Variants in NUFIP2 observed in about 807,000 individuals in gnomAD.
NUFIP2 encodes the protein FMR1-interacting protein NUFIP2.
In NUFIP2, 6 loss-of-function variants were observed where a neutral mutation model predicts 56.9. The observed-to-expected ratio is 0.11, with a 90% CI of 0.06 to 0.21. The LOEUF (loss-of-function observed/expected upper bound fraction) is 0.21. Ranked by LOEUF, NUFIP2 falls within the 10% of genes least tolerant of loss-of-function variation. The pLI is 1.00. For synonymous variants in NUFIP2, 321 were observed against 298.2 expected (o/e 1.08, Z -0.79); for missense variants, 828 against 826.8 (o/e 1.00, Z -0.02).
At position 29,286,873 on chromosome 17, in the gene NUFIP2, G is replaced by C. The variant is rs768832522; in HGVS notation, c.1121C>G (p.Ser374Cys). The change falls in exon 2 of 4, where the codon TCT becomes TGT. Residue 374 changes from serine (S) to cysteine (C), a missense_variant. Ser to Cys is a moderately radical substitution (Grantham distance 112). Coordinates refer to ENST00000225388, the MANE Select transcript of NUFIP2 (RefSeq NM_020772.3). ...TGATGAAGATGAAGTTGGTGACACA[G>C]AAGAGTTCTGTATAGTTTTGTTGAG... The part of the protein sequence containing the change: ...ENLNKTIQNS[S>C]VSPTSSSSSS... 3 of 1,614,216 alleles carry C rather than the reference G, an allele frequency of 1.9e-6. No individual in the cohort carries two copies. The South Asian group carries it at 3.3e-5, about 18-fold the overall frequency.
intron 2 of NUFIP2, among the ~76,000 whole-genome samples, chr17:29,281,178 G>A (rs530971423): frequency 2.6e-5 from 4 of 150,986 alleles, no homozygotes; most frequent in African/African-American, 7.3e-5. Flanking sequence ...CTGGGCAGCC[G>A]GGCACGGTGG....
At chr17:29,277,267 T>C (rs978610011) in intron 2 of NUFIP2, among the ~76,000 whole-genome samples, 1 of 152,190 alleles carries the variant, frequency 6.6e-6, no homozygotes, top group African/African-American at 2.4e-5. Context: ...TCAGGGGATC[T>C]GCCCACCTCA....
rs2068979611 is a variant in NUFIP2 at position 29,257,861 on chromosome 17, G to A, written c.*6678C>T. ...TTTTACTATTTCCCACTACAGGACAGCCACTAACAGACTAAGAACAAAAAA... is the reference window on the plus strand; with the variant it reads ...TTTTACTATTTCCCACTACAGGACAACCACTAACAGACTAAGAACAAAAAA... On this transcript the variant is annotated 3_prime_UTR_variant, in exon 4 of 4. Transcript: ENST00000225388. 1 of 152,124 alleles carries A rather than the reference G, an allele frequency of 6.6e-6. No homozygotes were observed. 9.4% of individuals were successfully genotyped at this position (152,124 alleles called of 1,614,324 possible).
intron 1 of NUFIP2, among the ~76,000 whole-genome samples, chr17:29,293,083 G>A (rs1188542600): frequency 6.6e-6 from 1 of 151,660 alleles, no homozygotes; most frequent in African/African-American, 2.4e-5. Flanking sequence ...GGCCCCGCGA[G>A]GAGGAGAGAA....
intron 2 of NUFIP2, among the ~76,000 whole-genome samples, chr17:29,272,371 G>A (rs569814475): frequency 6.6e-6 from 1 of 151,678 alleles, no homozygotes; most frequent in African/African-American, 2.4e-5. Flanking sequence ...CTCCCGAATA[G>A]CTGAGACTAC....
intron 2 of NUFIP2, among the ~76,000 whole-genome samples, chr17:29,271,923 G>C (rs898341781): frequency 1.3e-5 from 2 of 151,576 alleles, no homozygotes; most frequent in Non-Finnish European, 2.9e-5. Context: ...ACACAAAAAA[G>C]TTAGCCAAGT....
In NUFIP2 at chr17:29,293,835, A is replaced by T; in HGVS notation, c.225T>A (p.His75Gln). 1 of 1,605,182 alleles carries T rather than the reference A, an allele frequency of 6.2e-7. No homozygotes were observed. The highest frequency in any genetic ancestry group is 1.4e-5 in the African/African-American group (1 of 74,006). Residue 75 changes from histidine (H) to glutamine (Q), a missense_variant, in exon 1 of 4, where the codon CAT becomes CAA. His to Gln is a conservative substitution (Grantham distance 24, BLOSUM62 0). This residue lies in a region of NUFIP2 where 415 missense variants were observed against 408.7 expected (regional missense o/e 1.02). Coordinates refer to ENST00000225388, the MANE Select transcript of NUFIP2 (RefSeq NM_020772.3). ...SPKAQPKPLK[H>Q]EQKHTLQQHQ... ...GCTGCTGGAGGGTGTGTTTCTGCTC[A>T]TGTTTCAGCGGCTTTGGCTGGGCCT...
chr17:29,259,953 T>G lies in NUFIP2; in HGVS notation c.*4586A>C, dbSNP rs2068993140. 1 of 152,210 alleles carries G rather than the reference T, an allele frequency of 6.6e-6. No individual in the cohort carries two copies. The highest frequency in any genetic ancestry group is 1.5e-5 in the Non-Finnish European group (1 of 68,034). 9.4% of individuals were successfully genotyped at this position (152,210 alleles called of 1,614,324 possible). A position where few individuals can be genotyped will look rare whatever the true frequency, so the allele number is the denominator to read the frequency against. The stretch of plus-strand genomic sequence containing the variant: ...TCACTCTCCCAGGTGGTCCTGGTTC[T>G]CACACAGGTGATGTATATTTTAAAA... On this transcript the variant is annotated 3_prime_UTR_variant, in exon 4 of 4. Coordinates refer to ENST00000225388, the MANE Select transcript of NUFIP2 (RefSeq NM_020772.3).
intron 1 of NUFIP2, among the ~76,000 whole-genome samples, chr17:29,289,188 A>C (rs1201325454): frequency 1.3e-5 from 2 of 152,216 alleles, no homozygotes; most frequent in African/African-American, 4.8e-5. Context: ...ATAAAAAGTC[A>C]ATTCTATTAT....
rs565843681 is a variant in NUFIP2 at position 29,277,917 on chromosome 17, G to C, written c.2002+8075C>G. ...AATCCCAGCTACTCAGGAGGCTGAG[G>C]CAAGAGATCGCTTGAACCCAGGAGG... is the stretch of plus-strand genomic sequence containing the variant. On this transcript the variant is annotated intron_variant, in intron 2 of 3. Transcript: ENST00000225388. Among the ~76,000 whole-genome samples the C allele has an allele frequency of 2.0e-5, 3 of 152,228 alleles. No individual in the cohort carries two copies. The South Asian group carries it at 6.2e-4, about 32-fold the overall frequency.
chr17:29,264,481 C>T lies in NUFIP2; in HGVS notation c.*58G>A, dbSNP rs1470472666. The T allele has an allele frequency of 6.0e-6, 7 of 1,163,632 alleles. No individual in the cohort carries two copies. Among genetic ancestry groups the T allele is most frequent in the South Asian group, 4.0e-5 (3 of 75,612 alleles). The allele number at this position is 1,163,632 out of a possible 1,614,324, so 72.1% of individuals were successfully genotyped here. A position where few individuals can be genotyped will look rare whatever the true frequency, so the allele number is the denominator to read the frequency against. ...ATCTAGGAGCATAAAAGCCTTGTGT[C>T]CCCCATGAACGATGGCTCTAATGCT... On this transcript the variant is annotated 3_prime_UTR_variant, in exon 4 of 4. Transcript: ENST00000225388.
rs1370499910 is a variant in NUFIP2 at position 29,256,467 on chromosome 17, T to G, written c.*8072A>C. The G allele has an allele frequency of 1.3e-5, 2 of 152,172 alleles. No homozygotes were observed. Among genetic ancestry groups the G allele is most frequent in the African/African-American group, 4.8e-5 (2 of 41,448 alleles). 9.4% of individuals were successfully genotyped at this position (152,172 alleles called of 1,614,324 possible). ...CTTAGTTTTTAACTGCCACTATCAA[T>G]GAAGATACATATAGAAGGGTTTTGC... On this transcript the variant is annotated 3_prime_UTR_variant, in exon 4 of 4. Transcript: ENST00000225388.
In NUFIP2 at chr17:29,272,239, T is replaced by TC. The variant is rs772061114; in HGVS notation, c.2003-4710dup. Reference sequence around the variant, plus strand: ...TTCAGATTTTAAATATGAAATGTGTTCTTTTTTTTTTTTTTTTTGAGACAA... The same window carrying TC: ...TTCAGATTTTAAATATGAAATGTGTTCCTTTTTTTTTTTTTTTTTGAGACAA... On this transcript the variant is annotated intron_variant, in intron 2 of 3. Coordinates refer to ENST00000225388, the MANE Select transcript of NUFIP2 (RefSeq NM_020772.3). Among the ~76,000 whole-genome samples the TC allele has an allele frequency of 6.7e-5, 10 of 149,046 alleles. No homozygotes were observed. In the East Asian group the frequency reaches 7.8e-4, roughly 12 times the overall value.
chr17:29,292,890 G>GGGC (rs1567683516), intron 1 of NUFIP2, among the ~76,000 whole-genome samples: 3 of 146,360 alleles, frequency 2.0e-5, no homozygotes, highest in African/African-American at 7.4e-5. Flanking sequence ...ACGGGGGGGG[G>GGGC]GGCGGCCGCG....
At chr17:29,281,517 A>G (rs149927412) in intron 2 of NUFIP2, among the ~76,000 whole-genome samples, 1 of 150,862 alleles carries the variant, frequency 6.6e-6, no homozygotes, top group South Asian at 2.1e-4. Context: ...AGTTAATGGC[A>G]TAACATATTA....
At chr17:29,278,433 A>C (rs544082980) in intron 2 of NUFIP2, among the ~76,000 whole-genome samples, 2 of 151,948 alleles carry the variant, frequency 1.3e-5, no homozygotes, top group Non-Finnish European at 2.9e-5. Flanking sequence ...TTTTTAGTAG[A>C]GACGGGGTTT....
chr17:29,275,257 C>T (rs1057472035), intron 2 of NUFIP2, among the ~76,000 whole-genome samples: 1 of 152,150 alleles, frequency 6.6e-6, no homozygotes, highest in African/African-American at 2.4e-5. Flanking sequence ...CTCCTGACCT[C>T]AGGTGATCCA....
chr17:29,273,004 C>T (rs1240441409), intron 2 of NUFIP2, among the ~76,000 whole-genome samples: 5 of 149,456 alleles, frequency 3.3e-5, no homozygotes, highest in Non-Finnish European at 7.4e-5. Context: ...CACACGCCAC[C>T]AGGCCCAGCT....
intron 1 of NUFIP2, among the ~76,000 whole-genome samples, chr17:29,289,946 C>A (rs1471308536): frequency 3.9e-5 from 6 of 152,082 alleles, no homozygotes; most frequent in South Asian, 2.1e-4. Flanking sequence ...TTTTTTGAGA[C>A]AGATTCTCGC....
Sources: gnomAD v4.1 joint callset for allele counts (sites outside exome capture counted in the v4.1 genomes callset) on GRCh38, gnomAD v4.1.1 for gene constraint, gnomAD v4.1.1 regional missense constraint, MANE v1.5 for transcripts, NCBI Gene and HGNC (gene_info 2026-07-23, HGNC 2026-07-21) for gene names.